Variants in GAS7 observed in about 807,000 individuals in gnomAD.
GAS7 encodes growth arrest specific 7, also known as growth arrest-specific protein 7.
Under a neutral mutation model 71.1 loss-of-function variants are expected in GAS7, and 28 were observed. The observed-to-expected ratio is 0.39, with a 90% CI of 0.29 to 0.54. The LOEUF (loss-of-function observed/expected upper bound fraction) is 0.54, where lower values mean the gene tolerates loss of function less well. GAS7 is among the 20% of genes least tolerant of loss of function. The probability of loss-of-function intolerance (pLI) is 0.62; values close to 1 mark genes in which losing one functional copy is unlikely to be tolerated. For missense variants in GAS7, 436 were observed against 627.8 expected, an observed-to-expected ratio of 0.69 and a Z score of 3.27; for synonymous variants, 258 against 245.8, an observed-to-expected ratio of 1.05 and a Z score of -0.46.
At chr17:10,118,704 C>CAAAAA (rs34461299) in intron 1 of GAS7, among the ~76,000 whole-genome samples, 12 of 70,112 alleles carry the variant, frequency 1.7e-4, no homozygotes, top group East Asian at 5.7e-4. Context: ...ACTCTGTCTC[C>CAAAAA]AAAAAAAAAA....
chr17:10,016,384 CAA>C (rs1217937101), intron 2 of GAS7, among the ~76,000 whole-genome samples: 5 of 71,404 alleles, frequency 7.0e-5, no homozygotes, highest in Admixed American at 3.6e-4. Context: ...GACTCCGTCT[CAA>C]AAAAAAAAAA....
chr17:10,065,497 T>C (rs1405399424), intron 1 of GAS7, among the ~76,000 whole-genome samples: 1 of 152,214 alleles, frequency 6.6e-6, no homozygotes, highest in Non-Finnish European at 1.5e-5. Context: ...CTGGCATTCC[T>C]TGGCTTGTGG....
intron 1 of GAS7, among the ~76,000 whole-genome samples, chr17:10,156,369 C>CCTT: frequency 6.6e-6 from 1 of 152,326 alleles, no homozygotes; most frequent in African/African-American, 2.4e-5. Flanking sequence ...TCCCCCACCC[C>CCTT]ATATGTCTGC....
intron 4 of GAS7, among the ~76,000 whole-genome samples, chr17:9,962,820 C>T (rs1370269299): frequency 6.6e-6 from 1 of 152,128 alleles, no homozygotes; most frequent in Non-Finnish European, 1.5e-5. Flanking sequence ...GCAGTCAGCA[C>T]CTTAACCGAG....
chr17:9,922,177 T>C (rs946224390), intron 11 of GAS7, among the ~76,000 whole-genome samples: 1 of 145,870 alleles, frequency 6.9e-6, no homozygotes, highest in Non-Finnish European at 1.5e-5. Context: ...AATATTAATA[T>C]GGGCTATGGT....
Position 9,982,000 on chromosome 17 carries a change from C to A in GAS7, c.305-116G>T. 1 of 672,260 alleles carries A rather than the reference C, an allele frequency of 1.5e-6. No homozygotes were observed. The highest frequency in any genetic ancestry group is 2.7e-6 in the Non-Finnish European group (1 of 368,902). 41.6% of individuals were successfully genotyped at this position (672,260 alleles called of 1,614,324 possible). ...AGAAAAAGAGAGACAGCCAATCGCC[C>A]TCCTCCCCAACCCTGGCCAGACAGG... On this transcript the variant is annotated intron_variant, in intron 2 of 13. Coordinates refer to ENST00000432992, the MANE Select transcript of GAS7 (RefSeq NM_201433.2). The surrounding 1 kb of genome is among the most constrained non-coding windows in gnomAD (Gnocchi z 4.4).
rs1253306508 is a variant in GAS7, at chr17:10,034,484, T to G, written c.184-14587A>C. Among the ~76,000 whole-genome samples the G allele has an allele frequency of 1.3e-5, 2 of 152,044 alleles. No individual in the cohort carries two copies. The highest frequency in any genetic ancestry group is 4.8e-5 in the African/African-American group (2 of 41,404). On this transcript the variant is annotated intron_variant, in intron 1 of 13. Coordinates refer to ENST00000432992, the MANE Select transcript of GAS7 (RefSeq NM_201433.2). This position sits in a 1 kb window ranked among gnomAD's most constrained non-coding sequence, Gnocchi z 4.4. ...TCACCACGCCTGGCTAATTTTTGTA[T>G]TTTTAGTAGACACGGGGTTTCACCA...
rs188720828 is a variant in GAS7, at chr17:10,112,226, G to A, written c.183+85982C>T. On this transcript the variant is annotated intron_variant, in intron 1 of 13. Transcript: ENST00000432992. ...CCAATTCCACCGTGGATGCATCCTC[G>A]AGCACGTGACCGAAGACACACAGCG... Among the ~76,000 whole-genome samples, 41 of 152,300 alleles carry A rather than the reference G, an allele frequency of 2.7e-4. No homozygotes were observed. The East Asian group carries it at 6.4e-3, about 24-fold the overall frequency.
At chr17:10,044,687 T>C (rs2072922484) in intron 1 of GAS7, among the ~76,000 whole-genome samples, 2 of 152,208 alleles carry the variant, frequency 1.3e-5, no homozygotes, top group African/African-American at 4.8e-5. Flanking sequence ...TATTTTCCAA[T>C]ATATTAATTG....
intron 4 of GAS7, among the ~76,000 whole-genome samples, chr17:9,960,032 T>C (rs895115246): frequency 1.2e-4 from 19 of 152,254 alleles, no homozygotes; most frequent in Non-Finnish European, 2.6e-4. Context: ...TCTGTTGTTC[T>C]ATTAGCAATT....
intron 1 of GAS7, among the ~76,000 whole-genome samples, chr17:10,170,093 G>A (rs540030626): frequency 6.6e-6 from 1 of 152,100 alleles, no homozygotes; most frequent in South Asian, 2.1e-4. Context: ...GCCAGCATCA[G>A]CTCTTGCTTA....
At chr17:10,161,058 A>G (rs1421738541) in intron 1 of GAS7, among the ~76,000 whole-genome samples, 4 of 152,004 alleles carry the variant, frequency 2.6e-5, no homozygotes, top group African/African-American at 9.7e-5. Flanking sequence ...AGATGGATCC[A>G]AGCACTTGAA....
chr17:10,090,892 G>A (rs1182588013), intron 1 of GAS7, among the ~76,000 whole-genome samples: 2 of 152,118 alleles, frequency 1.3e-5, no homozygotes, highest in African/African-American at 2.4e-5. Flanking sequence ...TGAACACTTC[G>A]ACATGCTGGA....
Position 10,198,553 on chromosome 17 carries a change from C to T in GAS7, c.-163G>A, listed in dbSNP as rs2074558465. On this transcript the variant is annotated 5_prime_UTR_variant, in exon 1 of 14. Transcript: ENST00000432992. ...GGGGTCCTCAGGCAGGCGGGGGACGCGCGCTCCGCGCCGGGAAGCAGAGAC... is the reference window on the plus strand; with the variant it reads ...GGGGTCCTCAGGCAGGCGGGGGACGTGCGCTCCGCGCCGGGAAGCAGAGAC... 3 of 402,764 alleles carry T rather than the reference C, an allele frequency of 7.4e-6. No individual in the cohort carries two copies. The highest frequency in any genetic ancestry group is 1.3e-5 in the Non-Finnish European group (3 of 235,046). 24.9% of individuals were successfully genotyped at this position (402,764 alleles called of 1,614,324 possible). A position where few individuals can be genotyped will look rare whatever the true frequency, so the allele number is the denominator to read the frequency against.
chr17:10,108,199 C>T (rs2073778078), intron 1 of GAS7, among the ~76,000 whole-genome samples: 1 of 152,228 alleles, frequency 6.6e-6, no homozygotes, highest in African/African-American at 2.4e-5. Context: ...GTTTATAGAG[C>T]ATTTTTGCTT....
chr17:9,935,606 C>T (rs1355902724), intron 8 of GAS7, among the ~76,000 whole-genome samples: 2 of 152,212 alleles, frequency 1.3e-5, no homozygotes, highest in African/African-American at 2.4e-5. Flanking sequence ...CAGCCAGCAG[C>T]GAAGAATTGC....
At chr17:10,059,575 C>T (rs1008084185) in intron 1 of GAS7, 1 of 396,716 alleles carries the variant, frequency 2.5e-6, no homozygotes, top group Non-Finnish European at 3.4e-6. Context: ...AGCAAGAGGT[C>T]ATCCAAGGAA....
chr17:10,071,727 C>T (rs1423834271), intron 1 of GAS7, among the ~76,000 whole-genome samples: 1 of 152,004 alleles, frequency 6.6e-6, no homozygotes, highest in Non-Finnish European at 1.5e-5. Context: ...GAGTTCAAGA[C>T]CAGCCTTGCC....
intron 1 of GAS7, among the ~76,000 whole-genome samples, chr17:10,148,151 G>T (rs150082528): frequency 1.1e-3 from 164 of 152,262 alleles, no homozygotes; most frequent in African/African-American, 3.7e-3. Flanking sequence ...GAAAGAGGGA[G>T]TCAAAAAAAG....
Sources: gnomAD v4.1 joint callset for allele counts (sites outside exome capture counted in the v4.1 genomes callset) on GRCh38, gnomAD v4.1.1 for gene constraint, Gnocchi (gnomAD v3.1) non-coding constraint, MANE v1.5 for transcripts, NCBI Gene and HGNC (gene_info 2026-07-23, HGNC 2026-07-21) for gene names.